SH3PXD2B: variants seen among roughly 807,000 people sequenced by gnomAD.
The protein encoded by SH3PXD2B is SH3 and PX domains 2B.
SH3PXD2B carries 37 observed loss-of-function variants against 73.1 expected under a neutral mutation model. That is an observed-to-expected ratio of 0.51 (90% CI 0.39 to 0.67). The LOEUF is 0.67. Among genes scored for constraint, SH3PXD2B ranks in the 30% least tolerant of loss-of-function variants. SH3PXD2B has a pLI of 0.00. For synonymous variants in SH3PXD2B, 457 were observed against 480.5 expected (o/e 0.95, Z 0.64); for missense variants, 1,053 against 1,197.8 (o/e 0.88, Z 1.78).
intron 5 of SH3PXD2B, among the ~76,000 whole-genome samples, chr5:172,378,280 C>T (rs1757864111): frequency 6.6e-6 from 1 of 152,208 alleles, no homozygotes; most frequent in African/African-American, 2.4e-5. Context: ...ACCACCCTTG[C>T]CAGGGAGAGG....
At chr5:172,449,369 C>G (rs1312908045) in intron 1 of SH3PXD2B, among the ~76,000 whole-genome samples, 1 of 152,172 alleles carries the variant, frequency 6.6e-6, no homozygotes, top group Non-Finnish European at 1.5e-5. Context: ...ATGTTTCTCC[C>G]AGACACAAGG....
intron 12 of SH3PXD2B, among the ~76,000 whole-genome samples, 158 bp downstream of exon 12, chr5:172,345,978 C>T (rs1756988570): frequency 6.6e-6 from 1 of 152,144 alleles, no homozygotes; most frequent in Non-Finnish European, 1.5e-5. Flanking sequence ...GAATTTTACA[C>T]TTAAAATTGT....
chr5:172,441,350 A>C (rs1759546283), intron 1 of SH3PXD2B, among the ~76,000 whole-genome samples: 1 of 152,196 alleles, frequency 6.6e-6, no homozygotes, highest in Non-Finnish European at 1.5e-5. Context: ...ACGATGACAC[A>C]CTGACTGCTC....
intron 7 of SH3PXD2B, among the ~76,000 whole-genome samples, chr5:172,359,438 T>G (rs973114032): frequency 4.7e-5 from 7 of 148,588 alleles, no homozygotes; most frequent in African/African-American, 1.7e-4. Context: ...CACTAAGATG[T>G]GTGATGCACC....
chr5:172,407,089 A>G (rs908638313), intron 2 of SH3PXD2B, among the ~76,000 whole-genome samples: 1 of 152,212 alleles, frequency 6.6e-6, no homozygotes, highest in Non-Finnish European at 1.5e-5. Flanking sequence ...CTTACTCCCC[A>G]TGGGGTCTTA....
intron 4 of SH3PXD2B, among the ~76,000 whole-genome samples, chr5:172,384,067 G>A (rs547380998): frequency 1.3e-5 from 2 of 151,954 alleles, no homozygotes; most frequent in African/African-American, 4.8e-5. Context: ...GGATAGTCTC[G>A]ATCTCCTGAC....
At chr5:172,443,281 C>G (rs764464254) in intron 1 of SH3PXD2B, among the ~76,000 whole-genome samples, 4 of 152,200 alleles carry the variant, frequency 2.6e-5, no homozygotes, top group Admixed American at 2.6e-4. Flanking sequence ...ACATGTATTA[C>G]TACTATCACC....
chr5:172,390,815 T>TGTGTGTGTG (rs1758168687), intron 4 of SH3PXD2B, among the ~76,000 whole-genome samples: 119 of 139,988 alleles, frequency 8.5e-4, no homozygotes, highest in African/African-American at 3.0e-3. Flanking sequence ...TTCCCGTCTT[T>TGTGTGTGTG]TGTGTGTGTG....
intron 7 of SH3PXD2B, among the ~76,000 whole-genome samples, chr5:172,361,929 C>T (rs1156676479): frequency 6.6e-6 from 1 of 152,200 alleles, no homozygotes; most frequent in Admixed American, 6.5e-5. Context: ...ATAGGATTAG[C>T]TAACGTCACA....
rs748746556 is a variant in SH3PXD2B at position 172,373,828 on chromosome 5, G to A, written c.402-13C>T. ...CCCAATGTGCTCCCTGTACAGGAAA[G>A]AAAGGGGGTGGGAAGAGTAACGAGT... On this transcript the variant is annotated splice_polypyrimidine_tract_variant and intron_variant, in intron 5 of 12. Transcript: ENST00000311601. The A allele has an allele frequency of 6.2e-7, 1 of 1,613,964 alleles. No homozygotes were observed.
At chr5:172,349,622 G>A (rs186366963) in intron 10 of SH3PXD2B, among the ~76,000 whole-genome samples, 5 of 152,246 alleles carry the variant, frequency 3.3e-5, no homozygotes, top group East Asian at 3.9e-4. Flanking sequence ...TCAAGTCCCC[G>A]CCCCTGCCGT....
chr5:172,410,634 C>T lies in SH3PXD2B; in HGVS notation c.157-4282G>A, dbSNP rs146163811. Among the ~76,000 whole-genome samples the T allele has an allele frequency of 6.5e-3, 993 of 152,240 alleles. 9 individuals are homozygous for T. The highest frequency in any genetic ancestry group is 0.022 in the African/African-American group (929 of 41,536). On this transcript the variant is annotated intron_variant, in intron 2 of 12. Coordinates refer to ENST00000311601, the MANE Select transcript of SH3PXD2B (RefSeq NM_001017995.3). ...AGTTTACTGATTAAAAAAAAATTGG[C>T]TGAACCAATGAACGCAACTGAGCAA...
intron 2 of SH3PXD2B, among the ~76,000 whole-genome samples, chr5:172,410,258 C>G (rs1758662738): frequency 1.3e-5 from 2 of 152,206 alleles, no homozygotes; most frequent in South Asian, 4.1e-4. Flanking sequence ...TACGTTCCCA[C>G]CAACTGTGTG....
At chr5:172,329,075 A>ATTTTTTTTTTTTT (rs1561884420), downstream of SH3PXD2B, among the ~76,000 whole-genome samples, 1 of 71,142 alleles carries the variant, frequency 1.4e-5, no homozygotes, top group African/African-American at 5.5e-5. Flanking sequence ...ATATATATAT[A>ATTTTTTTTTTTTT]TATATATATT....
Position 172,335,716 on chromosome 5 carries a change from G to A in SH3PXD2B, c.*2653C>T. 8.1e-7 allele frequency: 1 copy of A among 1,231,636 alleles called. No homozygotes were observed. The highest frequency in any genetic ancestry group is 1.0e-6 in the Non-Finnish European group (1 of 987,934). 76.3% of individuals were successfully genotyped at this position (1,231,636 alleles called of 1,614,324 possible). A position where few individuals can be genotyped will look rare whatever the true frequency, so the allele number is the denominator to read the frequency against. ...CTCACAGAATAGCGACCACAGTCCT[G>A]GATGGGGTAAATCTAAGTCCCCAGG... On this transcript the variant is annotated 3_prime_UTR_variant, in exon 13 of 13. Transcript: ENST00000311601.
intron 1 of SH3PXD2B, among the ~76,000 whole-genome samples, chr5:172,429,479 C>T (rs978825225): frequency 2.6e-5 from 4 of 152,216 alleles, no homozygotes; most frequent in African/African-American, 9.6e-5. Context: ...TCTTCTTACA[C>T]AATCTCAGCA....
chr5:172,345,358 C>G (rs914755409), intron 12 of SH3PXD2B, among the ~76,000 whole-genome samples: 3 of 152,108 alleles, frequency 2.0e-5, no homozygotes, highest in African/African-American at 7.2e-5. Context: ...CCACACACAA[C>G]CATAGTAGGA....
At chr5:172,368,460 T>TATATATATTATATATATATATATATAAA (rs1757576024) in intron 6 of SH3PXD2B, among the ~76,000 whole-genome samples, 1 of 43,682 alleles carries the variant, frequency 2.3e-5, no homozygotes, top group Non-Finnish European at 3.7e-5. Flanking sequence ...TGCTTATATA[T>TATATATATTATATATATATATATATAAA]ATATATATTA....
chr5:172,368,073 T>A (rs1025148421), intron 6 of SH3PXD2B, among the ~76,000 whole-genome samples: 2 of 152,200 alleles, frequency 1.3e-5, no homozygotes, highest in African/African-American at 4.8e-5. Context: ...ACCAGTAGCA[T>A]CCTTGCCAGT....
Sources: gnomAD v4.1 joint callset for allele counts (sites outside exome capture counted in the v4.1 genomes callset) on GRCh38, gnomAD v4.1.1 for gene constraint, MANE v1.5 for transcripts, NCBI Gene and HGNC (gene_info 2026-07-23, HGNC 2026-07-21) for gene names.